The following TBC1D4 variants were observed in gnomAD, a reference collection of about 807,000 sequenced individuals.
The protein encoded by TBC1D4 is TBC (Tre-2, BUB2, CDC16) domain-containing protein.
Under a neutral mutation model 142.5 loss-of-function variants are expected in TBC1D4, and 121 were observed. That is an observed-to-expected ratio of 0.85 (90% confidence interval 0.73 to 0.99). TBC1D4 has a LOEUF of 0.99. TBC1D4 is among the 50% of genes least tolerant of loss of function. TBC1D4 has a pLI of 0.00. For missense variants in TBC1D4, 1,475 were observed against 1,606.6 expected (o/e 0.92, Z 1.40); for synonymous variants, 630 against 628.2 (o/e 1.00, Z -0.04).
intron 1 of TBC1D4, among the ~76,000 whole-genome samples, chr13:75,402,639 C>T (rs921919245): frequency 7.1e-6 from 1 of 141,338 alleles, no homozygotes; most frequent in African/African-American, 2.6e-5. Context: ...TCCATGTGGT[C>T]TTCCATCCCT....
Position 75,308,274 on chromosome 13 carries a change from T to C in TBC1D4, c.2593+1668A>G, listed in dbSNP as rs1484555290. ...CCTCCTTTCTTAACCTGTAAAATCA[T>C]ATAGTATAACTGATCTCAGAATACA... On this transcript the variant is annotated intron_variant, in intron 14 of 20. Coordinates refer to ENST00000377636, the MANE Select transcript of TBC1D4 (RefSeq NM_014832.5). Among the ~76,000 whole-genome samples, 5 of 152,348 alleles carry C rather than the reference T, an allele frequency of 3.3e-5. No individual in the cohort carries two copies. In the East Asian group the frequency reaches 5.8e-4, roughly 18 times the overall value.
chr13:75,313,616 G>C (rs1002685081), intron 12 of TBC1D4, among the ~76,000 whole-genome samples: 1 of 152,174 alleles, frequency 6.6e-6, no homozygotes, highest in Non-Finnish European at 1.5e-5. Flanking sequence ...CGACCTCCCA[G>C]GCTCAAGAGA....
chr13:75,396,278 T>C (rs751901118), intron 1 of TBC1D4, among the ~76,000 whole-genome samples: 1 of 152,206 alleles, frequency 6.6e-6, no homozygotes, highest in Non-Finnish European at 1.5e-5. Context: ...GGAGTTTATA[T>C]CTCAACCTTT....
At chr13:75,386,195 A>C (rs1220424934) in intron 1 of TBC1D4, among the ~76,000 whole-genome samples, 4 of 152,342 alleles carry the variant, frequency 2.6e-5, no homozygotes, top group Admixed American at 2.6e-4. Flanking sequence ...CAACTACTGC[A>C]TTAAAGCCTT....
chr13:75,288,149 A>G (rs953349638), intron 20 of TBC1D4, among the ~76,000 whole-genome samples: 3 of 152,202 alleles, frequency 2.0e-5, no homozygotes, highest in Non-Finnish European at 2.9e-5. Context: ...CCCTGATGGC[A>G]GGAATGATGT....
rs1009562067 is a variant in TBC1D4, at chr13:75,286,711, A to T, written c.*81T>A. ...GGTGGTTCCATCAGCTTCAGGGTCC[A>T]GCCTTGGGCCAGCGACATGCAGGCT... On this transcript the variant is annotated 3_prime_UTR_variant, in exon 21 of 21. Coordinates refer to ENST00000377636, the MANE Select transcript of TBC1D4 (RefSeq NM_014832.5). The T allele has an allele frequency of 9.8e-6, 14 of 1,426,802 alleles. No homozygotes were observed. The highest frequency in any genetic ancestry group is 2.2e-4 in the Middle Eastern group (1 of 4,594). 88.4% of individuals were successfully genotyped at this position (1,426,802 alleles called of 1,614,324 possible).
chr13:75,315,859 T>C (rs567437270), intron 12 of TBC1D4, among the ~76,000 whole-genome samples: 18 of 152,342 alleles, frequency 1.2e-4, no homozygotes, highest in African/African-American at 4.3e-4. Context: ...GAACTGTTGA[T>C]GGCACTGGTA....
rs1883718060 is a variant in TBC1D4 at position 75,379,885 on chromosome 13, C to CTTTTTTTTT, written c.499-17279_499-17278insAAAAAAAAA. On this transcript the variant is annotated intron_variant, in intron 1 of 20. Transcript: ENST00000377636. ...AAGTATATCAGTTTTGTTCATCTGACTCTTTTTTTTTTTTTTTTTTTTTTT... is the reference window on the plus strand; with the variant it reads ...AAGTATATCAGTTTTGTTCATCTGACTTTTTTTTTTCTTTTTTTTTTTTTTTTTTTTTTT... Among the ~76,000 whole-genome samples, 8 of 98,536 alleles carry CTTTTTTTTT rather than the reference C, an allele frequency of 8.1e-5. 3 individuals are homozygous for CTTTTTTTTT. Among genetic ancestry groups the CTTTTTTTTT allele is most frequent in the Non-Finnish European group, 1.2e-4 (6 of 50,102 alleles). 64.6% of individuals were successfully genotyped at this position (98,536 alleles called of 152,430 possible).
chr13:75,440,253 TG>T (rs1886978797), intron 1 of TBC1D4, among the ~76,000 whole-genome samples: 1 of 152,024 alleles, frequency 6.6e-6, no homozygotes, highest in Non-Finnish European at 1.5e-5. Context: ...TAAAATGAAA[TG>T]GCTAACTCTT....
chr13:75,312,995 A>T, intron 12 of TBC1D4, 97 bp from the exon 13 acceptor site: 1 of 1,359,166 alleles, frequency 7.4e-7, no homozygotes, highest in Non-Finnish European at 1.0e-6. Flanking sequence ...AAGTTCTGTC[A>T]CGGGCAAGCA....
At chr13:75,388,577 T>G (rs568538561) in intron 1 of TBC1D4, among the ~76,000 whole-genome samples, 1 of 152,354 alleles carries the variant, frequency 6.6e-6, no homozygotes, top group African/African-American at 2.4e-5. Context: ...TAGTAGAGTT[T>G]GGTGCCACTG....
chr13:75,334,793 C>A (rs983356343), intron 8 of TBC1D4, among the ~76,000 whole-genome samples: 1 of 151,914 alleles, frequency 6.6e-6, no homozygotes, highest in East Asian at 1.9e-4. Flanking sequence ...ACCATGTCGG[C>A]CAGGCAGGAA....
intron 1 of TBC1D4, among the ~76,000 whole-genome samples, chr13:75,369,992 A>G (rs80063251): frequency 0.056 from 8,585 of 152,260 alleles, 708 homozygotes; most frequent in African/African-American, 0.18. Flanking sequence ...GAAGGCAGAA[A>G]TTTGGAAAGA....
chr13:75,408,560 C>T (rs931914305), intron 1 of TBC1D4, among the ~76,000 whole-genome samples: 2 of 152,094 alleles, frequency 1.3e-5, no homozygotes, highest in African/African-American at 2.4e-5. Context: ...TAGAGAGTTA[C>T]GTTTTCATTT....
chr13:75,442,960 C>A (rs1394498799), intron 1 of TBC1D4, among the ~76,000 whole-genome samples: 3 of 152,126 alleles, frequency 2.0e-5, no homozygotes, highest in Non-Finnish European at 4.4e-5. Flanking sequence ...TGAAGAAAGG[C>A]ACCAGAGGTG....
At chr13:75,433,325 T>G (rs1886664417) in intron 1 of TBC1D4, among the ~76,000 whole-genome samples, 1 of 152,198 alleles carries the variant, frequency 6.6e-6, no homozygotes, top group Admixed American at 6.5e-5. Flanking sequence ...TAGCACTCAC[T>G]AAGTATGTAT....
chr13:75,432,771 G>A (rs1294536001), intron 1 of TBC1D4, among the ~76,000 whole-genome samples: 1 of 152,052 alleles, frequency 6.6e-6, no homozygotes. Flanking sequence ...TGAGTCAGCT[G>A]AGATCGAAGA....
At chr13:75,449,258 A>G (rs2138232021) in intron 1 of TBC1D4, among the ~76,000 whole-genome samples, 1 of 152,114 alleles carries the variant, frequency 6.6e-6, no homozygotes, top group South Asian at 2.1e-4. Context: ...GTGTGTATAT[A>G]TATGTATACA....
intron 1 of TBC1D4, among the ~76,000 whole-genome samples, chr13:75,377,056 T>A (rs937580249): frequency 6.6e-6 from 1 of 152,234 alleles, no homozygotes; most frequent in African/African-American, 2.4e-5. Context: ...ACAGTACATA[T>A]TAGCCATAAT....
Sources: gnomAD v4.1 joint callset for allele counts (sites outside exome capture counted in the v4.1 genomes callset) on GRCh38, gnomAD v4.1.1 for gene constraint, MANE v1.5 for transcripts, NCBI Gene and HGNC (gene_info 2026-07-23, HGNC 2026-07-21) for gene names.